The following COL26A1 variants were observed in gnomAD, a reference collection of about 807,000 sequenced individuals.
COL26A1 encodes collagen type XXVI alpha 1 chain.
COL26A1 carries 41 observed loss-of-function variants against 59.3 expected under a neutral mutation model. The ratio of observed to expected loss-of-function variants is 0.69; its 90% confidence interval spans 0.54 to 0.90. COL26A1 has a LOEUF of 0.90. Ranked by LOEUF, COL26A1 falls within the 40% of genes least tolerant of loss-of-function variation. The probability of loss-of-function intolerance (pLI) is 0.00; values close to 1 mark genes in which losing one functional copy is unlikely to be tolerated. For missense variants in COL26A1, 612 were observed against 602.3 expected, an observed-to-expected ratio of 1.02 and a Z score of -0.17; for synonymous variants, 266 against 256.0, an observed-to-expected ratio of 1.04 and a Z score of -0.37.
chr7:101,485,865 G>A (rs1331945288), intron 3 of COL26A1, among the ~76,000 whole-genome samples: 1 of 152,126 alleles, frequency 6.6e-6, no homozygotes, highest in East Asian at 1.9e-4. Context: ...TGATAGTGGT[G>A]TGGGGTGTAA....
At chr7:101,411,696 A>T (rs952556364) in intron 1 of COL26A1, among the ~76,000 whole-genome samples, 1 of 152,136 alleles carries the variant, frequency 6.6e-6, no homozygotes, top group African/African-American at 2.4e-5. Flanking sequence ...CCTGTGGGAC[A>T]TGACGGTGTG....
At chr7:101,434,905 A>G (rs1443530403) in intron 2 of COL26A1, among the ~76,000 whole-genome samples, 1 of 66,838 alleles carries the variant, frequency 1.5e-5, no homozygotes, top group Non-Finnish European at 2.6e-5. Flanking sequence ...CGGGGAGGAC[A>G]TGTTCAAAGA....
At chr7:101,508,319 C>A (rs1184246445) in intron 3 of COL26A1, among the ~76,000 whole-genome samples, 1 of 152,050 alleles carries the variant, frequency 6.6e-6, no homozygotes, top group Non-Finnish European at 1.5e-5. Context: ...GCCAGGAGTT[C>A]AAGACCAGCT....
intron 1 of COL26A1, among the ~76,000 whole-genome samples, chr7:101,383,916 C>T (rs1406863399): frequency 6.6e-6 from 1 of 151,746 alleles, no homozygotes; most frequent in Non-Finnish European, 1.5e-5. Context: ...CTGATCTGCC[C>T]ACCTCGGCCT....
At chr7:101,393,469 T>C (rs1791780450) in intron 1 of COL26A1, among the ~76,000 whole-genome samples, 1 of 152,134 alleles carries the variant, frequency 6.6e-6, no homozygotes, top group Non-Finnish European at 1.5e-5. Context: ...TGCTTTATAT[T>C]CTAGCTGCAC....
At chr7:101,497,694 TA>T (rs1410130963) in intron 3 of COL26A1, among the ~76,000 whole-genome samples, 1 of 150,560 alleles carries the variant, frequency 6.6e-6, no homozygotes, top group Non-Finnish European at 1.5e-5. Flanking sequence ...AATAAATAAA[TA>T]AAAGGCCAGG....
intron 5 of COL26A1, among the ~76,000 whole-genome samples, chr7:101,540,333 T>A (rs1447383562): frequency 6.6e-6 from 1 of 151,566 alleles, no homozygotes; most frequent in Non-Finnish European, 1.5e-5. Flanking sequence ...AGGTCAGGAG[T>A]TCGAGACCAG....
At chr7:101,433,442 A>G (rs796341855) in intron 2 of COL26A1, among the ~76,000 whole-genome samples, 4 of 152,156 alleles carry the variant, frequency 2.6e-5, no homozygotes, top group Admixed American at 1.3e-4. Context: ...GGGGCTTAGG[A>G]GGGGAGGCAG....
At chr7:101,390,256 A>G (rs1791697366) in intron 1 of COL26A1, among the ~76,000 whole-genome samples, 1 of 147,616 alleles carries the variant, frequency 6.8e-6, no homozygotes, top group African/African-American at 2.5e-5. Context: ...TCTGGGTTCA[A>G]GCGATTCTCC....
chr7:101,508,382 C>T (rs552595192), intron 3 of COL26A1, among the ~76,000 whole-genome samples: 1 of 152,040 alleles, frequency 6.6e-6, no homozygotes, highest in East Asian at 1.9e-4. Flanking sequence ...ATCATCCAGG[C>T]GTGGTGCACA....
In COL26A1 at chr7:101,426,741, TG is replaced by T. The variant is rs1268938447; in HGVS notation, c.281+6643del. 5.3e-5 allele frequency among the ~76,000 whole-genome samples: 8 copies of T among 152,244 alleles called. No individual in the cohort carries two copies. The South Asian group carries it at 1.7e-3, about 32-fold the overall frequency. ...CAGGGGAAGGTCCTGCACTGAGCCT[TG>T]CTGTAATAAGAACCCTGGGAATGCA... On this transcript the variant is annotated intron_variant, in intron 2 of 12. Coordinates refer to ENST00000313669, the MANE Select transcript of COL26A1 (RefSeq NM_001278563.3).
chr7:101,458,761 T>G (rs1242940625), intron 3 of COL26A1, among the ~76,000 whole-genome samples: 1 of 151,744 alleles, frequency 6.6e-6, no homozygotes, highest in Non-Finnish European at 1.5e-5. Flanking sequence ...TTTGTCCAAG[T>G]CATCTAGCTA....
intron 2 of COL26A1, among the ~76,000 whole-genome samples, chr7:101,444,763 T>A (rs1793146169): frequency 6.6e-6 from 1 of 151,838 alleles, no homozygotes; most frequent in Non-Finnish European, 1.5e-5. Flanking sequence ...TCAGGACACT[T>A]TCCCCTCACA....
At chr7:101,505,176 A>T (rs2130569785) in intron 3 of COL26A1, among the ~76,000 whole-genome samples, 1 of 151,702 alleles carries the variant, frequency 6.6e-6, no homozygotes, top group South Asian at 2.1e-4. Context: ...ACGTGTGTAG[A>T]TCCATGTTGG....
intron 3 of COL26A1, among the ~76,000 whole-genome samples, chr7:101,466,837 T>TGTGTGTGTGTGTGTGTGTGTGTGAGA (rs764059657): frequency 4.1e-5 from 5 of 122,710 alleles, no homozygotes; most frequent in Admixed American, 8.2e-5. Context: ...TGTGTGTGTG[T>TGTGTGTGTGTGTGTGTGTGTGTGAGA]GAGAGAGAGA....
intron 2 of COL26A1, among the ~76,000 whole-genome samples, chr7:101,440,389 G>T (rs571887281): frequency 6.6e-6 from 1 of 152,198 alleles, no homozygotes; most frequent in Non-Finnish European, 1.5e-5. Context: ...AACAAAAAAA[G>T]AAAGTTTGCC....
chr7:101,364,068 G>C (rs542423470), intron 1 of COL26A1, among the ~76,000 whole-genome samples: 26 of 152,224 alleles, frequency 1.7e-4, no homozygotes, highest in Non-Finnish European at 2.6e-4. Flanking sequence ...CACCGGGCCC[G>C]GGCGCCGGGA....
intron 2 of COL26A1, among the ~76,000 whole-genome samples, chr7:101,435,160 A>G (rs1258185331): frequency 1.3e-5 from 2 of 152,138 alleles, no homozygotes; most frequent in Non-Finnish European, 2.9e-5. Flanking sequence ...CCCTGTCTCT[A>G]CTAGAAATAC....
chr7:101,434,182 CCTTCTCT>C (rs1792856324), intron 2 of COL26A1, among the ~76,000 whole-genome samples: 1 of 129,608 alleles, frequency 7.7e-6, no homozygotes, highest in Non-Finnish European at 1.6e-5. Context: ...TTCCTTCCTT[CCTTCTCT>C]CTCTCTCTCT....
Sources: gnomAD v4.1 joint callset for allele counts (sites outside exome capture counted in the v4.1 genomes callset) on GRCh38, gnomAD v4.1.1 for gene constraint, MANE v1.5 for transcripts, NCBI Gene and HGNC (gene_info 2026-07-23, HGNC 2026-07-21) for gene names.